SMIM17: variants seen among roughly 807,000 people sequenced by gnomAD.
The protein encoded by SMIM17 is small integral membrane protein 17.
A neutral mutation model predicts 12.2 loss-of-function variants in SMIM17; 10 were observed. That is an observed-to-expected ratio of 0.82 (90% CI 0.50 to 1.39). The LOEUF (loss-of-function observed/expected upper bound fraction) is 1.39, where lower values mean the gene tolerates loss of function less well. Ranked by LOEUF, SMIM17 falls within the 40% of genes most tolerant of loss-of-function variation. The probability of loss-of-function intolerance (pLI) is 0.00; values close to 1 mark genes in which losing one functional copy is unlikely to be tolerated. For synonymous variants in SMIM17, 50 were observed against 44.1 expected (o/e 1.13, Z -0.53); for missense variants, 136 against 118.2 (o/e 1.15, Z -0.70).
intron 2 of SMIM17, 93 bp from the exon 3 acceptor site, chr19:56,647,465 G>C (rs887748969): frequency 1.2e-6 from 1 of 809,886 alleles, no homozygotes. Flanking sequence ...GCTATTACTA[G>C]AAAAGGGACA....
rs2045056279 is a variant in SMIM17 at position 56,645,579 on chromosome 19, T to C, written c.-89T>C. 6 of 1,293,798 alleles carry C rather than the reference T, an allele frequency of 4.6e-6. No homozygotes were observed. The highest frequency in any genetic ancestry group is 6.1e-6 in the Non-Finnish European group (6 of 979,572). 80.1% of individuals were successfully genotyped at this position (1,293,798 alleles called of 1,614,324 possible). On this transcript the variant is annotated 5_prime_UTR_variant, in exon 2 of 4. Transcript: ENST00000598409. ...GAAATGTCCATCAGTCCTCAGGTTC[T>C]GAATCTTGTGCCTGGAGAACCAGAG...
intron 3 of SMIM17, among the ~76,000 whole-genome samples, chr19:56,652,594 G>A (rs2045117785): frequency 1.3e-5 from 2 of 151,850 alleles, no homozygotes; most frequent in African/African-American, 2.4e-5. Flanking sequence ...ACAGGTTGCA[G>A]TGAGCTGAGA....
At chr19:56,651,860 T>G (rs946339560) in intron 3 of SMIM17, among the ~76,000 whole-genome samples, 3 of 151,938 alleles carry the variant, frequency 2.0e-5, no homozygotes, top group Non-Finnish European at 1.5e-5. Context: ...TCGCAGCACT[T>G]TGGGAGGCAG....
intron 2 of SMIM17, 49 bp downstream of exon 2, chr19:56,645,885 T>A (rs2045059689): frequency 6.7e-7 from 1 of 1,484,254 alleles, no homozygotes; most frequent in Non-Finnish European, 8.9e-7. Flanking sequence ...GAGGAAGGAA[T>A]TGGCAGAGCC....
intron 3 of SMIM17, among the ~76,000 whole-genome samples, chr19:56,653,465 C>A (rs2045125239): frequency 6.6e-6 from 1 of 152,194 alleles, no homozygotes; most frequent in African/African-American, 2.4e-5. Flanking sequence ...TTGTGTCAGA[C>A]CCATTTCCTT....
At chr19:56,643,737 T>G (rs890755854) in intron 1 of SMIM17, among the ~76,000 whole-genome samples, 1 of 152,202 alleles carries the variant, frequency 6.6e-6, no homozygotes, top group East Asian at 1.9e-4. Flanking sequence ...TTCTGAGCTG[T>G]GTGGCTTTGA....
chr19:56,648,026 A>G (rs2045077975), intron 3 of SMIM17, among the ~76,000 whole-genome samples: 1 of 151,370 alleles, frequency 6.6e-6, no homozygotes, highest in Non-Finnish European at 1.5e-5. Context: ...CTAAACTTTT[A>G]TTCACCTACT....
intron 3 of SMIM17, among the ~76,000 whole-genome samples, chr19:56,654,559 G>A (rs1308670731): frequency 6.6e-6 from 1 of 152,212 alleles, no homozygotes; most frequent in African/African-American, 2.4e-5. Context: ...AGTACTTGCT[G>A]ATGTCTTGAA....
chr19:56,650,951 T>C (rs2045104359), intron 3 of SMIM17, among the ~76,000 whole-genome samples: 2 of 151,608 alleles, frequency 1.3e-5, no homozygotes, highest in Non-Finnish European at 2.9e-5. Context: ...TGAGCCAGCA[T>C]TGATGGAGCA....
At position 56,657,243 on chromosome 19, in the gene SMIM17, C is replaced by T. The variant is rs1361397662; in HGVS notation, c.*2030C>T. Among the ~76,000 whole-genome samples, 1 of 152,128 alleles carries T rather than the reference C, an allele frequency of 6.6e-6. No homozygotes were observed. Among genetic ancestry groups the T allele is most frequent in the Non-Finnish European group, 1.5e-5 (1 of 68,030 alleles). ...GGCACTCAATAAATGTTAATTAAAA[C>T]CTGATTCTGAATCCTTTGTTAAATA... On this transcript the variant is annotated 3_prime_UTR_variant, in exon 4 of 4. Coordinates refer to ENST00000598409, the MANE Select transcript of SMIM17 (RefSeq NM_001193628.2).
At chr19:56,648,282 T>C (rs1192450801) in intron 3 of SMIM17, among the ~76,000 whole-genome samples, 2 of 148,770 alleles carry the variant, frequency 1.3e-5, no homozygotes, top group Non-Finnish European at 3.0e-5. Context: ...CACCTGTCCA[T>C]TCATTCATCT....
At position 56,656,593 on chromosome 19, in the gene SMIM17, T is replaced by C. The variant is rs1225348611; in HGVS notation, c.*1380T>C. On this transcript the variant is annotated 3_prime_UTR_variant, in exon 4 of 4. Transcript: ENST00000598409. Reference sequence around the variant, plus strand: ...ATTTATATTCTCTTTATATTTTCTATAATAGCATACTTATTAACGCAAATG... The same window carrying C: ...ATTTATATTCTCTTTATATTTTCTACAATAGCATACTTATTAACGCAAATG... 1.3e-5 allele frequency among the ~76,000 whole-genome samples: 2 copies of C among 152,244 alleles called. No individual in the cohort carries two copies. Among genetic ancestry groups the C allele is most frequent in the Admixed American group, 6.5e-5 (1 of 15,288 alleles).
chr19:56,649,548 T>C (rs2045093547), intron 3 of SMIM17, among the ~76,000 whole-genome samples: 1 of 152,158 alleles, frequency 6.6e-6, no homozygotes, highest in Non-Finnish European at 1.5e-5. Flanking sequence ...GTTGCTATTT[T>C]AAGAAGCTTG....
intron 1 of SMIM17, among the ~76,000 whole-genome samples, chr19:56,644,317 T>C (rs2148036777): frequency 6.6e-6 from 1 of 152,172 alleles, no homozygotes; most frequent in South Asian, 2.1e-4. Flanking sequence ...CCCTGAAAAA[T>C]GTCTAGGCAG....
At chr19:56,644,442 G>A (rs898463759) in intron 1 of SMIM17, among the ~76,000 whole-genome samples, 1 of 152,178 alleles carries the variant, frequency 6.6e-6, no homozygotes, top group Non-Finnish European at 1.5e-5. Context: ...GTGTCTTCCT[G>A]TTAAACACTG....
chr19:56,645,878 GA>G, intron 2 of SMIM17, 42 bp downstream of exon 2: 1 of 1,494,830 alleles, frequency 6.7e-7, no homozygotes, highest in African/African-American at 1.4e-5. Context: ...GGGTGGAGAG[GA>G]AGGAATTGGC....
chr19:56,645,656 C>A lies in SMIM17; in HGVS notation c.-12C>A. On this transcript the variant is annotated 5_prime_UTR_variant, in exon 2 of 4. Coordinates refer to ENST00000598409, the MANE Select transcript of SMIM17 (RefSeq NM_001193628.2). ...GAAGCTTGTCTCAGAAGCTCCACCT[C>A]CTCCTGGGGCAATGCAGAGTCTCAG... 6.8e-7 allele frequency: 1 copy of A among 1,472,036 alleles called. No homozygotes were observed. The highest frequency in any genetic ancestry group is 9.0e-7 in the Non-Finnish European group (1 of 1,117,218). The allele number at this position is 1,472,036 out of a possible 1,614,324, so 91.2% of individuals were successfully genotyped here. A position where few individuals can be genotyped will look rare whatever the true frequency, so the allele number is the denominator to read the frequency against.
Position 56,652,247 on chromosome 19 carries a change from G to A in SMIM17, c.247-2856G>A, listed in dbSNP as rs114419168. Among the ~76,000 whole-genome samples the A allele has an allele frequency of 8.4e-3, 1,278 of 152,174 alleles. 9 individuals carry two copies. Among genetic ancestry groups the A allele is most frequent in the Middle Eastern group, 0.027 (8 of 292 alleles). On this transcript the variant is annotated intron_variant, in intron 3 of 3. Transcript: ENST00000598409. Reference sequence around the variant, plus strand: ...GTTGTGCTCTCAGGTGAAGCCCAGCGGGGAGTGAGGGAAGCTGGAGAGGGG... The same window carrying A: ...GTTGTGCTCTCAGGTGAAGCCCAGCAGGGAGTGAGGGAAGCTGGAGAGGGG...
intron 3 of SMIM17, among the ~76,000 whole-genome samples, chr19:56,647,918 C>T (rs2045076643): frequency 6.6e-6 from 1 of 152,066 alleles, no homozygotes; most frequent in South Asian, 2.1e-4. Context: ...ACCCTCCCTT[C>T]CATCCACCCT....
Sources: gnomAD v4.1 joint callset for allele counts (sites outside exome capture counted in the v4.1 genomes callset) on GRCh38, gnomAD v4.1.1 for gene constraint, MANE v1.5 for transcripts, NCBI Gene and HGNC (gene_info 2026-07-23, HGNC 2026-07-21) for gene names.